The following WDR27 variants were observed in gnomAD, a reference collection of about 807,000 sequenced individuals.
The protein encoded by WDR27 is WD repeat domain 27, also known as WD repeat-containing protein 27.
In WDR27, 100 loss-of-function variants were observed where a neutral mutation model predicts 114.4. The ratio of observed to expected loss-of-function variants is 0.87; its 90% CI spans 0.74 to 1.03. The LOEUF is 1.03. Among genes scored for constraint, WDR27 ranks in the 50% least tolerant of loss-of-function variants. The pLI is 0.00. For synonymous variants in WDR27, 449 were observed against 423.1 expected, an observed-to-expected ratio of 1.06 and a Z score of -0.75; for missense variants, 1,129 against 1,092.9, an observed-to-expected ratio of 1.03 and a Z score of -0.47.
At chr6:169,460,050 G>A (rs1226700475) in intron 25 of WDR27, among the ~76,000 whole-genome samples, 1 of 152,004 alleles carries the variant, frequency 6.6e-6, no homozygotes, top group Non-Finnish European at 1.5e-5. Context: ...AAGTACATGG[G>A]CAGTTATAAA....
chr6:169,650,681 C>T (rs940446702), intron 14 of WDR27, among the ~76,000 whole-genome samples: 6 of 149,466 alleles, frequency 4.0e-5, no homozygotes, highest in African/African-American at 9.9e-5. Context: ...ATCCATCTCT[C>T]ATCTCTGCAC....
intron 1 of WDR27, among the ~76,000 whole-genome samples, chr6:169,690,438 C>T (rs567402736): frequency 3.6e-4 from 55 of 152,318 alleles, no homozygotes; most frequent in African/African-American, 1.2e-3. Context: ...TGCCTCAGCA[C>T]GCACACTTTA....
the WDR27 span, among the ~76,000 whole-genome samples, chr6:169,429,927 C>T: frequency 1.3e-5 from 2 of 152,306 alleles, no homozygotes; most frequent in Non-Finnish European, 1.5e-5. Context: ...GTATTTGCCA[C>T]GGTGTGGTAT....
chr6:169,636,843 A>C (rs1324504877), intron 18 of WDR27, among the ~76,000 whole-genome samples: 1 of 152,218 alleles, frequency 6.6e-6, no homozygotes, highest in Non-Finnish European at 1.5e-5. Flanking sequence ...GTCTGCTCTC[A>C]AATTTAGACC....
At chr6:169,671,038 T>C (rs1778609004) in intron 3 of WDR27, 1 of 203,212 alleles carries the variant, frequency 4.9e-6, no homozygotes, top group Non-Finnish European at 9.9e-6. Context: ...CACCCTCATG[T>C]ATAGGTTCAG....
intron 25 of WDR27, among the ~76,000 whole-genome samples, chr6:169,567,184 C>G (rs1315525582): frequency 6.6e-6 from 1 of 152,196 alleles, no homozygotes; most frequent in African/African-American, 2.4e-5. Context: ...GGGGAGGACC[C>G]GGGATGCCAC....
intron 25 of WDR27, among the ~76,000 whole-genome samples, chr6:169,491,324 G>C (rs560280345): frequency 6.6e-6 from 1 of 152,232 alleles, no homozygotes; most frequent in East Asian, 1.9e-4. Flanking sequence ...CGGGAGTAGG[G>C]TGTAGGGTGG....
intron 25 of WDR27, among the ~76,000 whole-genome samples, chr6:169,459,785 T>C (rs1784703414): frequency 6.6e-6 from 1 of 152,056 alleles, no homozygotes; most frequent in African/African-American, 2.4e-5. Flanking sequence ...GGCAATGGTC[T>C]TTTTCCCTGG....
intron 22 of WDR27, among the ~76,000 whole-genome samples, chr6:169,610,254 C>T (rs1479489210): frequency 2.0e-5 from 3 of 152,180 alleles, no homozygotes; most frequent in East Asian, 1.9e-4. Context: ...TCAGCAGCAC[C>T]CCACTCTACT....
At chr6:169,632,485 T>C (rs1428921333) in intron 21 of WDR27, among the ~76,000 whole-genome samples, 10 of 152,158 alleles carry the variant, frequency 6.6e-5, no homozygotes, top group African/African-American at 2.4e-4. Flanking sequence ...TCATCAAATG[T>C]TTCTCCTGTA....
At chr6:169,535,346 T>C (rs542652760) in intron 25 of WDR27, among the ~76,000 whole-genome samples, 1 of 152,282 alleles carries the variant, frequency 6.6e-6, no homozygotes, top group African/African-American at 2.4e-5. Flanking sequence ...TCAGGGCCGA[T>C]TTTCCCTTTC....
chr6:169,665,111 C>T (rs1827452674), intron 7 of WDR27: 1 of 992,312 alleles, frequency 1.0e-6, no homozygotes, highest in Admixed American at 6.0e-5. Context: ...ACGGGGGATG[C>T]CACACAGGAG....
intron 25 of WDR27, among the ~76,000 whole-genome samples, chr6:169,543,524 T>C: frequency 6.6e-6 from 1 of 152,188 alleles, no homozygotes; most frequent in East Asian, 1.9e-4. Context: ...TTCATAATAA[T>C]AAATCCATTA....
intron 1 of WDR27, among the ~76,000 whole-genome samples, chr6:169,690,347 C>CT: frequency 6.6e-6 from 1 of 152,348 alleles, no homozygotes; most frequent in East Asian, 1.9e-4. Flanking sequence ...CTGCCTTTCT[C>CT]TTCCTCTTCT....
intron 23 of WDR27, among the ~76,000 whole-genome samples, chr6:169,585,577 A>G (rs1211231123): frequency 1.3e-5 from 2 of 148,594 alleles, no homozygotes; most frequent in Admixed American, 7.1e-5. Context: ...ATCCTTACCA[A>G]TAACATAAAC....
chr6:169,428,213 A>C, the WDR27 span, among the ~76,000 whole-genome samples: 1 of 152,168 alleles, frequency 6.6e-6, no homozygotes, highest in African/African-American at 2.4e-5. Flanking sequence ...TCTCCAGTGG[A>C]GAGCTAGAAG....
At chr6:169,681,893 T>TA (rs145965038) in intron 2 of WDR27, among the ~76,000 whole-genome samples, 1 of 152,274 alleles carries the variant, frequency 6.6e-6, no homozygotes, top group East Asian at 1.9e-4. Flanking sequence ...TGAGACCTGC[T>TA]AGGAGATGCA....
chr6:169,613,766 G>A (rs908758056), intron 21 of WDR27, 110 bp from the exon 22 acceptor site: 2 of 984,588 alleles, frequency 2.0e-6, no homozygotes, highest in Non-Finnish European at 1.5e-6. Context: ...TTAACACAAA[G>A]TTTTTTTCTT....
intron 25 of WDR27, among the ~76,000 whole-genome samples, chr6:169,458,022 A>G (rs1340713864): frequency 4.8e-5 from 5 of 104,898 alleles, no homozygotes; most frequent in African/African-American, 7.5e-5. Context: ...TGGTGGTGCC[A>G]GGAATCCACC....
Sources: gnomAD v4.1 joint callset for allele counts (sites outside exome capture counted in the v4.1 genomes callset) on GRCh38, gnomAD v4.1.1 for gene constraint, MANE v1.5 for transcripts, NCBI Gene and HGNC (gene_info 2026-07-23, HGNC 2026-07-21) for gene names.